Variants in CACNA1S observed in about 807,000 individuals in gnomAD.
CACNA1S encodes the protein calcium voltage-gated channel subunit alpha1 S.
Under a neutral mutation model 207.4 loss-of-function variants are expected in CACNA1S, and 126 were observed. The ratio of observed to expected loss-of-function variants is 0.61; its 90% confidence interval spans 0.53 to 0.70. The LOEUF (loss-of-function observed/expected upper bound fraction) is 0.70, where lower values mean the gene tolerates loss of function less well. Among genes scored for constraint, CACNA1S ranks in the 30% least tolerant of loss-of-function variants. The pLI, the probability that CACNA1S is intolerant of heterozygous loss-of-function variation, is 0.00. For synonymous variants in CACNA1S, 960 were observed against 932.7 expected, an observed-to-expected ratio of 1.03 and a Z score of -0.53; for missense variants, 2,349 against 2,422.8, an observed-to-expected ratio of 0.97 and a Z score of 0.64.
intron 38 of CACNA1S, among the ~76,000 whole-genome samples, chr1:201,045,480 A>G (rs60112590): frequency 0.19 from 28,434 of 152,110 alleles, 3,492 homozygotes; most frequent in African/African-American, 0.35. Context: ...CACGTCTGTA[A>G]TCCCAGCACT....
chr1:201,062,649 C>T, intron 22 of CACNA1S, 135 bp from the exon 23 acceptor site: 1 of 782,812 alleles, frequency 1.3e-6, no homozygotes. Flanking sequence ...AAGCCCATCT[C>T]TTCCTCTCAG....
intron 42 of CACNA1S, 89 bp downstream of exon 42, chr1:201,040,533 C>A: frequency 7.0e-7 from 1 of 1,434,982 alleles, no homozygotes; most frequent in African/African-American, 1.4e-5. Context: ...ATTGCTGCCA[C>A]AGCCTTCCCC....
At position 201,051,065 on chromosome 1, in the gene CACNA1S, A is replaced by G. The variant is rs138167275; in HGVS notation, c.4032T>C (p.Tyr1344=). ...CACATGTGTACTCCTCCCCTGGGGC[A>G]TAGTCCGACTCTGGGTCACACAGCT... ...YGKLCDPESD[Y]APGEEYTCGT... The change falls in exon 33 of 44, where the codon TAT becomes TAC. Residue 1344 remains tyrosine, a synonymous_variant. Transcript: ENST00000362061. 2.9e-5 allele frequency: 47 copies of G among 1,614,086 alleles called. No individual in the cohort carries two copies. The Middle Eastern group carries it at 4.9e-4, about 17-fold the overall frequency.
Position 201,053,684 on chromosome 1 carries a change from A to G in CACNA1S, c.3667-97T>C. ...GAGGTGCACTGTGTGTTTTGGGGAG[A>G]TGTTTGTGGCATGGAGGAACTCCAG... is the stretch of plus-strand genomic sequence containing the variant. On this transcript the variant is annotated intron_variant, in intron 29 of 43. Coordinates refer to ENST00000362061, the MANE Select transcript of CACNA1S (RefSeq NM_000069.3). This position sits in a 1 kb window ranked among gnomAD's most constrained non-coding sequence, Gnocchi z 5.1. The G allele has an allele frequency of 7.5e-7, 1 of 1,328,760 alleles. No individual in the cohort carries two copies. The highest frequency in any genetic ancestry group is 1.4e-5 in the African/African-American group (1 of 69,368). 82.3% of individuals were successfully genotyped at this position (1,328,760 alleles called of 1,614,324 possible).
chr1:201,076,807 C>G, intron 12 of CACNA1S, 113 bp downstream of exon 12: 3 of 972,590 alleles, frequency 3.1e-6, no homozygotes. Flanking sequence ...TGCACTCAAC[C>G]AGCAGATCAG....
rs1280543232 is a variant in CACNA1S, at chr1:201,085,440, T to C, written c.1146A>G (p.Arg382=). The change falls in exon 8 of 44, where the codon AGA becomes AGG. Residue 382 remains arginine, a synonymous_variant. Coordinates refer to ENST00000362061, the MANE Select transcript of CACNA1S (RefSeq NM_000069.3). ...QGEVMDVEDF[R]EGKLSLDEGG... Reference sequence around the variant, plus strand: ...CCACAGCCTTTGGGCCCAAACCTTCTCTGAAGTCCTCAACATCCATGACCT... The same window carrying C: ...CCACAGCCTTTGGGCCCAAACCTTCCCTGAAGTCCTCAACATCCATGACCT... The C allele has an allele frequency of 3.7e-6, 6 of 1,613,422 alleles. No individual in the cohort carries two copies. Among genetic ancestry groups the C allele is most frequent in the Non-Finnish European group, 5.1e-6 (6 of 1,179,968 alleles).
At position 201,053,548 on chromosome 1, in the gene CACNA1S, G is replaced by A. The variant is rs1311389470; in HGVS notation, c.3706C>T (p.Arg1236Cys). 4.3e-6 allele frequency: 7 copies of A among 1,614,002 alleles called. No homozygotes were observed. The highest frequency in any genetic ancestry group is 4.0e-5 in the African/African-American group (3 of 74,908). ...ESARISSAFF[R>C]LFRVMRLIKL... ...ATCAGCCTCATGACACGGAACAGGC[G>A]GAAGAAGGCGCTGGAGATGCGGGCA... Residue 1236 changes from arginine to cysteine, a missense_variant, in exon 30 of 44, where the codon CGC becomes TGC. Arg to Cys is a radical substitution (Grantham distance 180, BLOSUM62 -3). Transcript: ENST00000362061. The surrounding 1 kb of genome is among the most constrained non-coding windows in gnomAD (Gnocchi z 5.1).
chr1:201,045,699 C>T (rs925092995), intron 38 of CACNA1S, among the ~76,000 whole-genome samples: 3 of 138,032 alleles, frequency 2.2e-5, no homozygotes, highest in African/African-American at 8.2e-5. Flanking sequence ...CATGCCTCTG[C>T]ACTCCAGCCT....
rs1373199023 is a variant in CACNA1S at position 201,066,099 on chromosome 1, C to A, written c.2745+130G>T. The A allele has an allele frequency of 4.0e-6, 4 of 999,934 alleles. No individual in the cohort carries two copies. Among genetic ancestry groups the A allele is most frequent in the Admixed American group, 1.9e-5 (1 of 52,156 alleles). The allele number at this position is 999,934 out of a possible 1,614,324, so 61.9% of individuals were successfully genotyped here. A position where few individuals can be genotyped will look rare whatever the true frequency, so the allele number is the denominator to read the frequency against. On this transcript the variant is annotated intron_variant, in intron 21 of 43. Transcript: ENST00000362061. The surrounding 1 kb of genome is among the most constrained non-coding windows in gnomAD (Gnocchi z 4.3). ...GGAAGCATAGCTACCCCAGCCTCAT[C>A]CTTACCCCTATCTGCCCAGGGAGAT...
At chr1:201,077,199 T>C in intron 11 of CACNA1S, 72 bp from the exon 12 acceptor site, 15 of 1,332,212 alleles carry the variant, frequency 1.1e-5, no homozygotes, top group Non-Finnish European at 1.6e-5. Context: ...GTGGACAGGC[T>C]TGGGGGAAAG....
Position 201,069,001 on chromosome 1 carries a change from T to C in CACNA1S, c.2550+136A>G, listed in dbSNP as rs554232535. 173 of 786,612 alleles carry C rather than the reference T, an allele frequency of 2.2e-4. 1 individual carries two copies. Among genetic ancestry groups the C allele is most frequent in the Middle Eastern group, 1.4e-3 (4 of 2,916 alleles). The allele number at this position is 786,612 out of a possible 1,614,324, so 48.7% of individuals were successfully genotyped here. A position where few individuals can be genotyped will look rare whatever the true frequency, so the allele number is the denominator to read the frequency against. Reference sequence around the variant, plus strand: ...CCAGATACTTGTGGGCCTGCCGGTGTGCTGGGTCCCATGAGTCTTTCCTGC... The same window carrying C: ...CCAGATACTTGTGGGCCTGCCGGTGCGCTGGGTCCCATGAGTCTTTCCTGC... On this transcript the variant is annotated intron_variant, in intron 19 of 43. Transcript: ENST00000362061.
chr1:201,092,229 G>C, intron 3 of CACNA1S, 115 bp from the exon 4 acceptor site: 1 of 1,109,192 alleles, frequency 9.0e-7, no homozygotes, highest in Non-Finnish European at 1.4e-6. Flanking sequence ...GCCTAGGGGA[G>C]AGACGGCAAA....
chr1:201,056,952 A>G (rs958999673), intron 28 of CACNA1S, among the ~76,000 whole-genome samples: 6 of 152,138 alleles, frequency 3.9e-5, no homozygotes, highest in South Asian at 2.1e-4. Context: ...CTCCACAGCC[A>G]GCCCCGGCCC....
intron 22 of CACNA1S, 149 bp from the exon 23 acceptor site, chr1:201,062,663 C>T (rs1039009790): frequency 5.1e-5 from 37 of 725,012 alleles, no homozygotes; most frequent in Non-Finnish European, 3.6e-5. Context: ...CTCTCAGAGG[C>T]GTGAACTCGC....
chr1:201,057,690 G>A lies in CACNA1S; in HGVS notation c.3609+718C>T, dbSNP rs111830890. Among the ~76,000 whole-genome samples, 9 of 152,284 alleles carry A rather than the reference G, an allele frequency of 5.9e-5. No individual in the cohort carries two copies. In the South Asian group the frequency reaches 8.3e-4, roughly 14 times the overall value. ...AAGCAGGGCTCTAAGGGCTCAGCGC[G>A]GTGGCTCACACCTGTAATCCCAGCA... is the stretch of plus-strand genomic sequence containing the variant. On this transcript the variant is annotated intron_variant, in intron 28 of 43. Transcript: ENST00000362061.
chr1:201,047,044 G>A, intron 38 of CACNA1S, 71 bp downstream of exon 38: 1 of 1,598,996 alleles, frequency 6.3e-7, no homozygotes. Flanking sequence ...CAAGGACATG[G>A]AAGGATAACT....
intron 33 of CACNA1S, 48 bp from the exon 34 acceptor site, chr1:201,050,564 CAGGGTTAGGGTGGGGG>C: frequency 6.2e-7 from 1 of 1,612,390 alleles, no homozygotes; most frequent in East Asian, 2.2e-5. Context: ...GCAGGTGGTA[CAGGGTTAGGGTGGGGG>C]AGCTGGGAGG....
chr1:201,059,285 C>T lies in CACNA1S; in HGVS notation c.3429G>A (p.Ser1143=), dbSNP rs373033092. The T allele has an allele frequency of 1.9e-5, 30 of 1,613,112 alleles. No individual in the cohort carries two copies. The African/African-American group carries it at 3.6e-4, about 19-fold the overall frequency. The change falls in exon 27 of 44, where the codon TCG becomes TCA. Residue 1143 remains serine, a synonymous_variant. Transcript: ENST00000362061. ...TGTCTGAGATGTGGTTCATCTGCTC[C>T]GACTGGTTGTAGTGCTGTGGAGGGG... ...ICLGMQHYNQ[S]EQMNHISDIL...
Position 201,049,045 on chromosome 1 carries a change from AG to A in CACNA1S, c.4295del (p.Pro1432LeufsTer12). ...GTGGGCAGAACTTCCCAAAGCCCAG[AG>A]GGGGCTGAATCCTTCTCAGCAGGGT... ...VVTLLRRIQP[P>X]LGFGKFCPHR... On this transcript the variant is annotated frameshift_variant, in exon 35 of 44. Coordinates refer to ENST00000362061, the MANE Select transcript of CACNA1S (RefSeq NM_000069.3). LOFTEE classifies it high-confidence loss of function. The A allele has an allele frequency of 6.2e-7, 1 of 1,613,904 alleles. No homozygotes were observed. Among genetic ancestry groups the A allele is most frequent in the South Asian group, 1.1e-5 (1 of 90,996 alleles).
Sources: allele counts gnomAD v4.1 joint callset (sites outside exome capture counted in the v4.1 genomes callset), GRCh38; gene constraint gnomAD v4.1.1; non-coding constraint Gnocchi (gnomAD v3.1); transcripts MANE v1.5; gene names NCBI Gene and HGNC (gene_info 2026-07-23, HGNC 2026-07-21).